Variants in MYBL2 observed in about 807,000 individuals in gnomAD.
MYBL2 encodes the protein MYB proto-oncogene like 2.
A neutral mutation model predicts 79.9 loss-of-function variants in MYBL2; 28 were observed. That is an observed-to-expected ratio of 0.35 (90% CI 0.26 to 0.48). The LOEUF is 0.48. MYBL2 is among the 20% of genes least tolerant of loss of function. The pLI, the probability that MYBL2 is intolerant of heterozygous loss-of-function variation, is 0.99. For missense variants in MYBL2, 735 were observed against 893.9 expected, an observed-to-expected ratio of 0.82 and a Z score of 2.27; for synonymous variants, 378 against 361.2, an observed-to-expected ratio of 1.05 and a Z score of -0.53.
chr20:43,695,546 T>G (rs953788194), intron 6 of MYBL2, among the ~76,000 whole-genome samples: 2 of 152,118 alleles, frequency 1.3e-5, no homozygotes, highest in Admixed American at 6.6e-5. Flanking sequence ...GACAAATATA[T>G]TTGGTGGTGG....
At chr20:43,693,435 T>TTA (rs1351082889) in intron 6 of MYBL2, among the ~76,000 whole-genome samples, 1 of 152,106 alleles carries the variant, frequency 6.6e-6, no homozygotes, top group Admixed American at 6.5e-5. Context: ...GCCTCCCAGG[T>TTA]TAAAGCGATT....
chr20:43,711,622 A>G, intron 11 of MYBL2, 21 bp downstream of exon 11: 1 of 1,595,738 alleles, frequency 6.3e-7, no homozygotes, highest in Non-Finnish European at 8.5e-7. Flanking sequence ...TAGGGGTGGG[A>G]GAGCCTGGGC....
In MYBL2 at chr20:43,702,798, G is replaced by A; in HGVS notation, c.1260G>A (p.Leu420=). ...LKRQRKRRVA[L]SPVTENSTSL... is the part of the protein sequence containing the mutation. Reference sequence around the variant, plus strand: ...GGCAGAGGAAGAGGCGTGTGGCTCTGTCCCCTGTCACTGAGAATAGCACCA... The same window carrying A: ...GGCAGAGGAAGAGGCGTGTGGCTCTATCCCCTGTCACTGAGAATAGCACCA... Residue 420 remains leucine, a synonymous_variant, in exon 8 of 14, where the codon CTG becomes CTA. Transcript: ENST00000217026. The A allele has an allele frequency of 6.2e-7, 1 of 1,614,204 alleles. No homozygotes were observed. The highest frequency in any genetic ancestry group is 2.2e-5 in the East Asian group (1 of 44,882).
In MYBL2 at chr20:43,687,057, A is replaced by G; in HGVS notation, c.485A>G (p.Lys162Arg). 1 of 1,612,818 alleles carries G rather than the reference A, an allele frequency of 6.2e-7. No individual in the cohort carries two copies. The highest frequency in any genetic ancestry group is 8.5e-7 in the Non-Finnish European group (1 of 1,179,890). The change falls in exon 5 of 14, where the codon AAG becomes AGG. Residue 162 changes from lysine to arginine, a missense_variant. Lys to Arg is a conservative substitution (Grantham distance 26). Around this residue, in one of 5 missense-constraint regions of MYBL2, gnomAD observed 65 missense variants for 145.2 expected, o/e 0.45. Transcript: ENST00000217026. Reference protein sequence around the residue: ...VLGNRWAEIAKMLPGRTDNAV... With the variant: ...VLGNRWAEIARMLPGRTDNAV... ...GGCAACCGCTGGGCCGAGATCGCCA[A>G]GATGTTGCCAGGGAGGTAAGCTGTC...
intron 1 of MYBL2, among the ~76,000 whole-genome samples, chr20:43,668,685 GTTT>G (rs3091868): frequency 9.9e-4 from 105 of 106,180 alleles, no homozygotes; most frequent in African/African-American, 2.5e-3. Flanking sequence ...CCCTGCCCTG[GTTT>G]TTTTTTTTTT....
chr20:43,700,043 C>T lies in MYBL2; in HGVS notation c.950C>T (p.Ser317Leu), dbSNP rs191011542. 4.7e-5 allele frequency: 76 copies of T among 1,613,100 alleles called. No individual in the cohort carries two copies. In the East Asian group the frequency reaches 8.0e-4, roughly 17 times the overall value. ...SLSEALDLIE[S>L]DPDAWCDLSK... ...TCTGAAGCCCTGGACTTGATCGAGTCGGTATGTTGGTCACAACACTTCACA... is the reference window on the plus strand; with the variant it reads ...TCTGAAGCCCTGGACTTGATCGAGTTGGTATGTTGGTCACAACACTTCACA... Residue 317 changes from serine (S) to leucine (L), a missense_variant and splice_region_variant, in exon 7 of 14, where the codon TCG (serine) becomes TTG (leucine). Around this residue, in one of 5 missense-constraint regions of MYBL2, gnomAD observed 243 missense variants for 327.2 expected, o/e 0.74. Transcript: ENST00000217026.
At position 43,691,654 on chromosome 20, in the gene MYBL2, C is replaced by T. The variant is rs1600553051; in HGVS notation, c.501-503C>T. Among the ~76,000 whole-genome samples, 8 of 151,946 alleles carry T rather than the reference C, an allele frequency of 5.3e-5. 1 individual carries two copies. The South Asian group carries it at 1.7e-3, about 32-fold the overall frequency. ...TCCTGGGTTCAAGCGATTCTCCTTCCTCAGACTCCCAAGTAGCTGGGATTA... is the reference window on the plus strand; with the variant it reads ...TCCTGGGTTCAAGCGATTCTCCTTCTTCAGACTCCCAAGTAGCTGGGATTA... On this transcript the variant is annotated intron_variant, in intron 5 of 13. Transcript: ENST00000217026.
At chr20:43,701,401 G>T (rs1987672521) in intron 7 of MYBL2, among the ~76,000 whole-genome samples, 1 of 152,210 alleles carries the variant, frequency 6.6e-6, no homozygotes, top group Admixed American at 6.5e-5. Flanking sequence ...CAGGGAACCA[G>T]AACTCGGCTT....
At chr20:43,701,045 G>C (rs1987665629) in intron 7 of MYBL2, among the ~76,000 whole-genome samples, 1 of 152,172 alleles carries the variant, frequency 6.6e-6, no homozygotes, top group Admixed American at 6.5e-5. Context: ...CAGCCTGTGA[G>C]GTGGGTAGTG....
At chr20:43,681,255 C>T (rs1043570610) in intron 2 of MYBL2, among the ~76,000 whole-genome samples, 1 of 152,090 alleles carries the variant, frequency 6.6e-6, no homozygotes, top group African/African-American at 2.4e-5. Flanking sequence ...TATGTCCGCT[C>T]GGCTCCCTTC....
At chr20:43,702,979 A>G in intron 8 of MYBL2, 76 bp downstream of exon 8, 2 of 1,449,792 alleles carry the variant, frequency 1.4e-6, no homozygotes, top group African/African-American at 1.4e-5. Flanking sequence ...AAGGGTGAGC[A>G]AAACGAGACC....
chr20:43,706,693 C>T (rs1347845940), intron 9 of MYBL2, among the ~76,000 whole-genome samples: 1 of 119,580 alleles, frequency 8.4e-6, no homozygotes, highest in African/African-American at 3.3e-5. Context: ...ATAGGGAGAC[C>T]CTGTCTGTAC....
chr20:43,674,988 T>A (rs74488716), intron 2 of MYBL2, among the ~76,000 whole-genome samples: 8,233 of 152,236 alleles, frequency 0.054, 743 homozygotes, highest in African/African-American at 0.19. Flanking sequence ...GCCCTTTTTT[T>A]AATTCCTTTT....
At chr20:43,715,012 T>C (rs1039878482) in intron 12 of MYBL2, 122 bp from the exon 13 acceptor site, 7 of 1,152,592 alleles carry the variant, frequency 6.1e-6, no homozygotes, top group Non-Finnish European at 8.9e-6. Context: ...CTTGGAAAAG[T>C]GTGTATCCTC....
At chr20:43,673,369 G>T (rs1219984945) in intron 1 of MYBL2, among the ~76,000 whole-genome samples, 2 of 151,814 alleles carry the variant, frequency 1.3e-5, no homozygotes, top group African/African-American at 4.8e-5. Flanking sequence ...GGGTGTGGTG[G>T]CTCATGCCTA....
At chr20:43,689,612 T>C (rs1294673441) in intron 5 of MYBL2, among the ~76,000 whole-genome samples, 1 of 152,188 alleles carries the variant, frequency 6.6e-6, no homozygotes, top group African/African-American at 2.4e-5. Context: ...TCAGAGAAGT[T>C]TTCTCTGTTC....
At chr20:43,708,548 A>G (rs1987839045) in intron 9 of MYBL2, among the ~76,000 whole-genome samples, 1 of 151,942 alleles carries the variant, frequency 6.6e-6, no homozygotes, top group Non-Finnish European at 1.5e-5. Context: ...TCCTCCTACC[A>G]TAGCCTCTGG....
intron 4 of MYBL2, among the ~76,000 whole-genome samples, chr20:43,683,709 A>G (rs1018283344): frequency 9.2e-5 from 14 of 151,554 alleles, no homozygotes; most frequent in Non-Finnish European, 1.9e-4. Context: ...ACGTGCTACC[A>G]CACCTGGCTA....
intron 3 of MYBL2, 71 bp from the exon 4 acceptor site, chr20:43,682,723 C>T: frequency 6.8e-7 from 1 of 1,464,974 alleles, no homozygotes; most frequent in Non-Finnish European, 9.6e-7. Flanking sequence ...GAGCCTAGTA[C>T]TTAACCAGGC....
Sources: allele counts gnomAD v4.1 joint callset (sites outside exome capture counted in the v4.1 genomes callset), GRCh38; gene constraint gnomAD v4.1.1; regional missense constraint gnomAD v4.1.1; transcripts MANE v1.5; gene names NCBI Gene and HGNC (gene_info 2026-07-23, HGNC 2026-07-21).